Variants in DNAJC15 observed in about 807,000 individuals in gnomAD.
DNAJC15 encodes the protein DnaJ heat shock protein family (Hsp40) member C15.
DNAJC15 carries 27 observed loss-of-function variants against 22.4 expected under a neutral mutation model. That is an observed-to-expected ratio of 1.20 (90% CI 0.89 to 1.66). The LOEUF (loss-of-function observed/expected upper bound fraction) is 1.66, where lower values mean the gene tolerates loss of function less well. Ranked by LOEUF, DNAJC15 falls within the 40% of genes most tolerant of loss-of-function variation. The probability of loss-of-function intolerance (pLI) is 0.00; values close to 1 mark genes in which losing one functional copy is unlikely to be tolerated. For missense variants in DNAJC15, 208 were observed against 187.1 expected, an observed-to-expected ratio of 1.11 and a Z score of -0.65; for synonymous variants, 79 against 63.2, an observed-to-expected ratio of 1.25 and a Z score of -1.19.
chr13:43,084,821 C>T (rs1478786218), intron 4 of DNAJC15, among the ~76,000 whole-genome samples: 2 of 151,414 alleles, frequency 1.3e-5, no homozygotes, highest in African/African-American at 4.8e-5. Context: ...CAAGCTTTTC[C>T]CATGGGTTTT....
intron 1 of DNAJC15, among the ~76,000 whole-genome samples, chr13:43,063,593 A>ATGTGTGTGT (rs2040569691): frequency 2.6e-5 from 4 of 152,258 alleles, no homozygotes; most frequent in African/African-American, 9.6e-5. Context: ...TGTTTTAGCC[A>ATGTGTGTGT]TTTAATTTTG....
intron 5 of DNAJC15, among the ~76,000 whole-genome samples, chr13:43,092,886 C>T (rs1033065473): frequency 6.6e-6 from 1 of 152,184 alleles, no homozygotes; most frequent in Non-Finnish European, 1.5e-5. Context: ...TGTACTCCAA[C>T]ATAGGTGACA....
intron 1 of DNAJC15, among the ~76,000 whole-genome samples, chr13:43,061,954 T>C (rs1333244348): frequency 6.6e-6 from 1 of 152,234 alleles, no homozygotes; most frequent in Non-Finnish European, 1.5e-5. Flanking sequence ...TATAGACCCT[T>C]GGGCCAACTT....
intron 1 of DNAJC15, among the ~76,000 whole-genome samples, chr13:43,044,177 C>G (rs1218028394): frequency 6.6e-6 from 1 of 151,874 alleles, no homozygotes; most frequent in African/African-American, 2.4e-5. Flanking sequence ...AAAGAGTTTT[C>G]TTTGTGGAGA....
intron 1 of DNAJC15, among the ~76,000 whole-genome samples, chr13:43,056,577 G>T (rs2324998): frequency 0.21 from 31,434 of 152,108 alleles, 3,434 homozygotes; most frequent in South Asian, 0.38. Context: ...CTGTTTCTTT[G>T]TTGACTTTCT....
intron 1 of DNAJC15, among the ~76,000 whole-genome samples, chr13:43,062,128 A>G (rs1229590469): frequency 1.3e-5 from 2 of 152,116 alleles, no homozygotes; most frequent in Non-Finnish European, 2.9e-5. Context: ...GTTTAAGATA[A>G]CCAAGAAAGG....
chr13:43,040,740 C>CATTCTTG (rs2040449889), intron 1 of DNAJC15, among the ~76,000 whole-genome samples: 1 of 151,868 alleles, frequency 6.6e-6, no homozygotes, highest in African/African-American at 2.4e-5. Flanking sequence ...GGGTGTTTCT[C>CATTCTTG]GGAGAGGGGG....
chr13:43,041,508 C>A (rs920786959), intron 1 of DNAJC15, among the ~76,000 whole-genome samples: 3 of 152,206 alleles, frequency 2.0e-5, no homozygotes, highest in African/African-American at 7.2e-5. Context: ...CTTTTCCCCA[C>A]ACTATAGATA....
intron 5 of DNAJC15, among the ~76,000 whole-genome samples, chr13:43,101,059 G>C (rs2040766476): frequency 6.6e-6 from 1 of 152,064 alleles, no homozygotes; most frequent in Non-Finnish European, 1.5e-5. Flanking sequence ...TGTCTCATTA[G>C]CCACTCTAGC....
At chr13:43,089,674 A>C (rs2040705207) in intron 5 of DNAJC15, among the ~76,000 whole-genome samples, 1 of 152,252 alleles carries the variant, frequency 6.6e-6, no homozygotes, top group South Asian at 2.1e-4. Flanking sequence ...ATGATAATGA[A>C]ATACTGTAGG....
At position 43,110,535 on chromosome 13, in the gene DNAJC15, C is replaced by A. The variant is rs2040819790; in HGVS notation, c.*3287C>A. On this transcript the variant is annotated 3_prime_UTR_variant, in exon 6 of 6. Coordinates refer to ENST00000379221, the MANE Select transcript of DNAJC15 (RefSeq NM_013238.3). ...GGCATGTATAATTGAACTACAGTTA[C>A]TTGAAATATAAGCCCAGAAAGTTTC... The A allele has an allele frequency of 6.6e-6, 1 of 152,134 alleles. No homozygotes were observed. Among genetic ancestry groups the A allele is most frequent in the South Asian group, 2.1e-4 (1 of 4,824 alleles). 9.4% of individuals were successfully genotyped at this position (152,134 alleles called of 1,614,324 possible).
intron 5 of DNAJC15, among the ~76,000 whole-genome samples, chr13:43,091,346 C>T (rs931269336): frequency 6.6e-6 from 1 of 152,206 alleles, no homozygotes; most frequent in Non-Finnish European, 1.5e-5. Flanking sequence ...CCTTGGCCTC[C>T]CAAAGTGCTG....
chr13:43,071,171 C>A (rs1408313233), intron 3 of DNAJC15, among the ~76,000 whole-genome samples: 2 of 152,124 alleles, frequency 1.3e-5, no homozygotes, highest in Non-Finnish European at 2.9e-5. Context: ...AGAAAATCTT[C>A]AGTAGTTGGT....
chr13:43,036,739 C>T (rs1275830791), intron 1 of DNAJC15, among the ~76,000 whole-genome samples: 2 of 152,294 alleles, frequency 1.3e-5, no homozygotes, highest in Non-Finnish European at 2.9e-5. Context: ...CTACTACCCT[C>T]AGCCCCTTGG....
At chr13:43,090,712 T>TC (rs1444448487) in intron 5 of DNAJC15, among the ~76,000 whole-genome samples, 11 of 99,398 alleles carry the variant, frequency 1.1e-4, no homozygotes, top group Non-Finnish European at 1.9e-4. Flanking sequence ...TTTCTTTCTT[T>TC]TTTTTTTTTT....
Position 43,023,659 on chromosome 13 carries a change from C to T in DNAJC15, c.33C>T (p.Gly11=), listed in dbSNP as rs1285888313. The change falls in exon 1 of 6, where the codon GGC becomes GGT. Residue 11 remains glycine, a synonymous_variant. Coordinates refer to ENST00000379221, the MANE Select transcript of DNAJC15 (RefSeq NM_013238.3). MAARGVIAPV[G]ESLRYAEYLQ... ...CCCGTGGTGTCATCGCTCCAGTTGG[C>T]GAGAGTTTGCGCTACGCTGAGTACT... 2.5e-6 allele frequency: 4 copies of T among 1,612,340 alleles called. No individual in the cohort carries two copies. Among genetic ancestry groups the T allele is most frequent in the African/African-American group, 1.3e-5 (1 of 74,894 alleles).
At chr13:43,048,582 A>G (rs2040488751) in intron 1 of DNAJC15, among the ~76,000 whole-genome samples, 2 of 152,196 alleles carry the variant, frequency 1.3e-5, no homozygotes, top group African/African-American at 4.8e-5. Context: ...TTTTTCCCCC[A>G]TGGTGACCAT....
chr13:43,062,635 CTA>C (rs900744869), intron 1 of DNAJC15, among the ~76,000 whole-genome samples: 1 of 152,196 alleles, frequency 6.6e-6, no homozygotes, highest in African/African-American at 2.4e-5. Flanking sequence ...TTGGAGGCAA[CTA>C]TTTCATCTTT....
intron 1 of DNAJC15, among the ~76,000 whole-genome samples, chr13:43,063,283 T>C (rs1295196224): frequency 6.6e-6 from 1 of 152,276 alleles, no homozygotes; most frequent in African/African-American, 2.4e-5. Flanking sequence ...GTGTTGGGAT[T>C]ACAGGCGTGA....
Sources: allele counts gnomAD v4.1 joint callset (sites outside exome capture counted in the v4.1 genomes callset), GRCh38; gene constraint gnomAD v4.1.1; transcripts MANE v1.5; gene names NCBI Gene and HGNC (gene_info 2026-07-23, HGNC 2026-07-21).